ANKFN1: variants seen among roughly 807,000 people sequenced by gnomAD.
ANKFN1 encodes ankyrin repeat and fibronectin type III domain containing 1, also known as ankyrin repeat and fibronectin type-III domain-containing protein 1.
ANKFN1 carries 74 observed loss-of-function variants against 108.7 expected under a neutral mutation model. The ratio of observed to expected loss-of-function variants is 0.68; its 90% CI spans 0.56 to 0.83. ANKFN1 has a LOEUF of 0.83. Ranked by LOEUF, ANKFN1 falls within the 40% of genes least tolerant of loss-of-function variation. The probability of loss-of-function intolerance (pLI) is 0.00; values close to 1 mark genes in which losing one functional copy is unlikely to be tolerated. For synonymous variants in ANKFN1, 547 were observed against 516.2 expected (o/e 1.06, Z -0.81); for missense variants, 1,505 against 1,382.3 (o/e 1.09, Z -1.41).
chr17:56,108,897 A>G (rs532739916), intron 4 of ANKFN1, among the ~76,000 whole-genome samples: 4 of 152,198 alleles, frequency 2.6e-5, no homozygotes, highest in Admixed American at 6.5e-5. Flanking sequence ...AAATAGGAGT[A>G]ATTTTGTAAG....
chr17:56,421,035 T>C (rs916219976), intron 8 of ANKFN1, among the ~76,000 whole-genome samples: 4 of 152,158 alleles, frequency 2.6e-5, no homozygotes, highest in Admixed American at 2.6e-4. Context: ...TGAAAATATT[T>C]GTGTGCTGGG....
At chr17:56,375,500 G>T (rs1488943456) in intron 8 of ANKFN1, among the ~76,000 whole-genome samples, 1 of 152,168 alleles carries the variant, frequency 6.6e-6, no homozygotes, top group Non-Finnish European at 1.5e-5. Flanking sequence ...ATTAAGGCTA[G>T]GGAGTTTAGA....
intron 5 of ANKFN1, 81 bp from the exon 6 acceptor site, chr17:56,353,755 G>T: frequency 7.8e-7 from 1 of 1,280,244 alleles, no homozygotes. Flanking sequence ...CCCTGAAACA[G>T]TCTTTAAACT....
Position 56,094,683 on chromosome 17 carries a change from T to G in ANKFN1, c.288+48358T>G, listed in dbSNP as rs28488238. Among the ~76,000 whole-genome samples the G allele has an allele frequency of 9.5e-4, 83 of 87,100 alleles. 3 individuals carry two copies. Among genetic ancestry groups the G allele is most frequent in the East Asian group, 4.9e-3 (9 of 1,830 alleles). The allele number at this position is 87,100 out of a possible 152,430, so 57.1% of individuals were successfully genotyped here. A position where few individuals can be genotyped will look rare whatever the true frequency, so the allele number is the denominator to read the frequency against. Reference sequence around the variant, plus strand: ...CACGCCCAGCTAATTGGGTTTTTTTTTTTTTTTTTTGTATTTTTAGTAGAG... The same window carrying G: ...CACGCCCAGCTAATTGGGTTTTTTTGTTTTTTTTTTGTATTTTTAGTAGAG... On this transcript the variant is annotated intron_variant, in intron 4 of 12. Transcript: ENST00000635860.
chr17:56,066,263 A>C (rs1485491854), intron 4 of ANKFN1, among the ~76,000 whole-genome samples: 4 of 152,230 alleles, frequency 2.6e-5, no homozygotes, highest in Non-Finnish European at 5.9e-5. Flanking sequence ...CCATTGGGGA[A>C]GTCAATGTAC....
At chr17:56,385,831 G>A (rs983800906) in intron 8 of ANKFN1, among the ~76,000 whole-genome samples, 3 of 152,188 alleles carry the variant, frequency 2.0e-5, no homozygotes, top group African/African-American at 7.2e-5. Context: ...ACAGATGCTG[G>A]AGAGGATGTG....
At chr17:56,257,244 C>T (rs1208461886) in intron 3 of ANKFN1, among the ~76,000 whole-genome samples, 1 of 152,088 alleles carries the variant, frequency 6.6e-6, no homozygotes. Flanking sequence ...TGTCATTTCT[C>T]TACTAAGAAA....
At chr17:56,075,527 A>T (rs1905171582) in intron 4 of ANKFN1, among the ~76,000 whole-genome samples, 1 of 152,118 alleles carries the variant, frequency 6.6e-6, no homozygotes, top group African/African-American at 2.4e-5. Flanking sequence ...GAAAAATATT[A>T]TTCATGGCAT....
chr17:56,141,684 G>A (rs1907926005), intron 4 of ANKFN1, among the ~76,000 whole-genome samples: 1 of 152,022 alleles, frequency 6.6e-6, no homozygotes, highest in African/African-American at 2.4e-5. Context: ...TGGGGGGTGG[G>A]GGAGCAGGAA....
rs555892303 is a variant in ANKFN1, at chr17:56,346,434, T to C, written c.189-4332T>C. On this transcript the variant is annotated intron_variant, in intron 4 of 20. Transcript: ENST00000682825. The stretch of plus-strand genomic sequence containing the variant: ...TTTCTAATTCTGCCAAGAAAGTCAA[T>C]GGTAACTTGATGGGACAGGCCACTG... Among the ~76,000 whole-genome samples, 11 of 152,238 alleles carry C rather than the reference T, an allele frequency of 7.2e-5. 1 individual carries two copies. In the South Asian group the frequency reaches 2.1e-3, roughly 29 times the overall value.
intron 3 of ANKFN1, among the ~76,000 whole-genome samples, chr17:56,275,083 C>T (rs189362827): frequency 4.8e-4 from 73 of 152,272 alleles, no homozygotes; most frequent in African/African-American, 1.3e-3. Flanking sequence ...CAACGCCCCA[C>T]CACAGGCATC....
At chr17:56,220,337 A>T (rs1014518849) in intron 2 of ANKFN1, among the ~76,000 whole-genome samples, 2 of 152,204 alleles carry the variant, frequency 1.3e-5, no homozygotes, top group African/African-American at 2.4e-5. Flanking sequence ...TAAATATTGT[A>T]CTAGTCCAGT....
intron 1 of ANKFN1, among the ~76,000 whole-genome samples, chr17:56,171,894 C>T (rs1013384480): frequency 1.3e-5 from 2 of 152,208 alleles, no homozygotes; most frequent in African/African-American, 4.8e-5. Context: ...AGGAAGGTCT[C>T]TGTCCTGGCT....
intron 3 of ANKFN1, among the ~76,000 whole-genome samples, chr17:56,268,871 G>A (rs190710519): frequency 4.2e-4 from 64 of 152,060 alleles, no homozygotes; most frequent in African/African-American, 1.4e-3. Context: ...TATTAAATGT[G>A]TATGTCATCC....
At chr17:56,457,091 G>C in intron 12 of ANKFN1, 131 bp downstream of exon 12, 1 of 1,147,136 alleles carries the variant, frequency 8.7e-7, no homozygotes, top group Admixed American at 2.7e-5. Flanking sequence ...CTGAGAATTT[G>C]TGTAAGACAG....
intron 10 of ANKFN1, among the ~76,000 whole-genome samples, chr17:56,448,619 G>C (rs2049374412): frequency 6.6e-6 from 1 of 152,234 alleles, no homozygotes; most frequent in Non-Finnish European, 1.5e-5. Flanking sequence ...GGCCAAAAGT[G>C]TGAAACCTAC....
chr17:56,450,705 A>C (rs2049453102), intron 11 of ANKFN1, among the ~76,000 whole-genome samples: 1 of 152,200 alleles, frequency 6.6e-6, no homozygotes, highest in Non-Finnish European at 1.5e-5. Flanking sequence ...GTGTGACAGC[A>C]AAGGTAACAA....
chr17:56,413,497 A>G (rs535007306), intron 8 of ANKFN1, among the ~76,000 whole-genome samples: 68 of 152,244 alleles, frequency 4.5e-4, no homozygotes, highest in African/African-American at 1.6e-3. Context: ...TCCTTGTCTT[A>G]TGCCAGTTTT....
chr17:56,134,192 T>C (rs1598124029), intron 4 of ANKFN1, among the ~76,000 whole-genome samples: 1 of 152,042 alleles, frequency 6.6e-6, no homozygotes, highest in Non-Finnish European at 1.5e-5. Context: ...GGGAGAGATA[T>C]GTAGGGTGAA....
Sources: allele counts gnomAD v4.1 joint callset (sites outside exome capture counted in the v4.1 genomes callset), GRCh38; gene constraint gnomAD v4.1.1; transcripts MANE v1.5; gene names NCBI Gene and HGNC (gene_info 2026-07-23, HGNC 2026-07-21).